The following SLC35D1 variants were observed in gnomAD, a reference collection of about 807,000 sequenced individuals.
SLC35D1 encodes the protein solute carrier family 35 member D1, also known as nucleotide sugar transporter SLC35D1.
SLC35D1 carries 31 observed loss-of-function variants against 46.7 expected under a neutral mutation model. That is an observed-to-expected ratio of 0.66 (90% CI 0.50 to 0.90). SLC35D1 has a LOEUF of 0.90. Among genes scored for constraint, SLC35D1 ranks in the 40% least tolerant of loss-of-function variants. SLC35D1 has a pLI of 0.00. For missense variants in SLC35D1, 397 were observed against 426.2 expected, an observed-to-expected ratio of 0.93 and a Z score of 0.60; for synonymous variants, 195 against 164.6, an observed-to-expected ratio of 1.18 and a Z score of -1.41.
chr1:67,047,754 C>A (rs1445451110), intron 6 of SLC35D1, among the ~76,000 whole-genome samples: 1 of 152,146 alleles, frequency 6.6e-6, no homozygotes, highest in African/African-American at 2.4e-5. Context: ...ATTAACAAGT[C>A]ATTTTCTGAA....
the SLC35D1 span, among the ~76,000 whole-genome samples, chr1:66,975,111 A>AT: frequency 6.6e-6 from 1 of 152,208 alleles, no homozygotes; most frequent in Non-Finnish European, 1.5e-5. Context: ...AAGGGAGGGT[A>AT]TCATCAACAT....
chr1:67,035,774 T>C (rs1570632539), intron 8 of SLC35D1, among the ~76,000 whole-genome samples: 1 of 151,242 alleles, frequency 6.6e-6, no homozygotes, highest in East Asian at 1.9e-4. Flanking sequence ...TTCTTTAAGA[T>C]GTATCATTAG....
the SLC35D1 span, among the ~76,000 whole-genome samples, chr1:66,991,285 C>T: frequency 2.0e-4 from 30 of 152,206 alleles, no homozygotes; most frequent in Non-Finnish European, 4.1e-4. Context: ...TATACCTACA[C>T]ATTCTCCCAC....
intron 8 of SLC35D1, among the ~76,000 whole-genome samples, chr1:67,029,178 CAA>C (rs1165503276): frequency 1.3e-5 from 2 of 152,176 alleles, no homozygotes; most frequent in Non-Finnish European, 2.9e-5. Flanking sequence ...CTGCCAAACT[CAA>C]GAGAAGACTA....
At position 67,021,436 on chromosome 1, in the gene SLC35D1, C is replaced by A. The variant is rs2065002; in HGVS notation, c.797+99G>T. 0.66 allele frequency: 825,727 copies of A among 1,256,510 alleles called. 278,170 individuals are homozygous for A. Among genetic ancestry groups the A allele is most frequent in the East Asian group, 0.87 (36,841 of 42,434 alleles). 77.8% of individuals were successfully genotyped at this position (1,256,510 alleles called of 1,614,324 possible). On this transcript the variant is annotated intron_variant, in intron 9 of 11. Coordinates refer to ENST00000235345, the MANE Select transcript of SLC35D1 (RefSeq NM_015139.3). ...GAGGCTTAATTATCCTAGGCTGACACACTCAGGAGACCTAAAGATATTGAG... is the reference window on the plus strand; with the variant it reads ...GAGGCTTAATTATCCTAGGCTGACAAACTCAGGAGACCTAAAGATATTGAG...
rs914499588 is a variant in SLC35D1, at chr1:67,000,020, A to G, written c.*4320T>C. ...ACATGTGGCACACACCTGTAATCCC[A>G]GCACTTTGGGAGGCTGAGACAGAAG... On this transcript the variant is annotated 3_prime_UTR_variant, in exon 12 of 12. Transcript: ENST00000235345. 8 of 152,094 alleles carry G rather than the reference A, an allele frequency of 5.3e-5. No individual in the cohort carries two copies. Among genetic ancestry groups the G allele is most frequent in the Non-Finnish European group, 1.0e-4 (7 of 68,032 alleles). 9.4% of individuals were successfully genotyped at this position (152,094 alleles called of 1,614,324 possible).
intron 8 of SLC35D1, among the ~76,000 whole-genome samples, chr1:67,028,675 G>GA (rs1456421530): frequency 6.6e-6 from 1 of 151,840 alleles, no homozygotes; most frequent in African/African-American, 2.4e-5. Context: ...CAAATTTGCA[G>GA]AAAAAAAATT....
chr1:66,987,566 TTAAATTTATGCATAGTAA>T, the SLC35D1 span: 1 of 152,658 alleles, frequency 6.6e-6, no homozygotes. Flanking sequence ...AAATTAGATG[TTAAATTTATGCATAGTAA>T]TTTTGCACTG....
intron 8 of SLC35D1, among the ~76,000 whole-genome samples, chr1:67,030,434 A>C (rs968224730): frequency 6.6e-6 from 1 of 152,172 alleles, no homozygotes; most frequent in African/African-American, 2.4e-5. Context: ...TCTGAACCTT[A>C]GTTTCTACAT....
Position 67,004,131 on chromosome 1 carries a change from AT to A in SLC35D1, c.*208del. The A allele has an allele frequency of 1.8e-6, 1 of 544,158 alleles. No homozygotes were observed. The highest frequency in any genetic ancestry group is 4.4e-4 in the Middle Eastern group (1 of 2,290). The allele number at this position is 544,158 out of a possible 1,614,324, so 33.7% of individuals were successfully genotyped here. ...ACCTTTTCCAGTCTGATATAAATTA[AT>A]TCAAACAACATATTTAAAATAGAGT... On this transcript the variant is annotated 3_prime_UTR_variant, in exon 12 of 12. Transcript: ENST00000235345.
the SLC35D1 span, among the ~76,000 whole-genome samples, chr1:66,991,990 G>A: frequency 6.6e-6 from 1 of 152,130 alleles, no homozygotes; most frequent in Admixed American, 6.5e-5. Context: ...ATACCTTAAA[G>A]GGAAAATATT....
chr1:66,997,466 G>A (rs554840193), downstream of SLC35D1, among the ~76,000 whole-genome samples: 4 of 139,090 alleles, frequency 2.9e-5, no homozygotes, highest in East Asian at 8.5e-4. Context: ...TCATGCCACT[G>A]CACTCCAGCC....
chr1:67,042,752 A>C (rs573645491), intron 7 of SLC35D1, among the ~76,000 whole-genome samples: 1 of 152,220 alleles, frequency 6.6e-6, no homozygotes, highest in Non-Finnish European at 1.5e-5. Context: ...TCAGAAGCCT[A>C]GCACAGTGTC....
At chr1:67,038,834 T>C (rs989507432) in intron 8 of SLC35D1, among the ~76,000 whole-genome samples, 16 of 130,690 alleles carry the variant, frequency 1.2e-4, no homozygotes, top group Admixed American at 4.1e-4. Context: ...TAAATATGTA[T>C]ACACACACAC....
At chr1:67,049,734 A>ATAATTATTGAC in intron 6 of SLC35D1, 48 bp downstream of exon 6, 1 of 1,498,374 alleles carries the variant, frequency 6.7e-7, no homozygotes, top group Non-Finnish European at 9.3e-7. Flanking sequence ...TTTATTATCA[A>ATAATTATTGAC]TAATTATTGA....
chr1:67,029,714 C>A (rs1181476784), intron 8 of SLC35D1, among the ~76,000 whole-genome samples: 5 of 152,200 alleles, frequency 3.3e-5, no homozygotes, highest in African/African-American at 1.2e-4. Context: ...AATACACCCA[C>A]ACACCTGCTT....
At chr1:67,025,920 G>T (rs1295879276) in intron 8 of SLC35D1, among the ~76,000 whole-genome samples, 2 of 152,034 alleles carry the variant, frequency 1.3e-5, no homozygotes, top group South Asian at 4.1e-4. Flanking sequence ...TTGCTAATTA[G>T]TTCCAATCAC....
chr1:67,014,670 G>GTTTTTTTT (rs34459732), intron 10 of SLC35D1, among the ~76,000 whole-genome samples: 73 of 99,886 alleles, frequency 7.3e-4, no homozygotes, highest in East Asian at 1.3e-3. Flanking sequence ...TCAATTTTTA[G>GTTTTTTTT]TTTTTTTTTT....
chr1:67,026,171 T>A (rs2815357), intron 8 of SLC35D1, among the ~76,000 whole-genome samples: 1 of 151,980 alleles, frequency 6.6e-6, no homozygotes, highest in Non-Finnish European at 1.5e-5. Flanking sequence ...TCCTTTCTTA[T>A]GCTGAGAAAG....
Sources: allele counts gnomAD v4.1 joint callset (sites outside exome capture counted in the v4.1 genomes callset), GRCh38; gene constraint gnomAD v4.1.1; transcripts MANE v1.5; gene names NCBI Gene and HGNC (gene_info 2026-07-23, HGNC 2026-07-21).